GHR: variants seen among roughly 807,000 people sequenced by gnomAD.
GHR encodes growth hormone receptor.
GHR carries 35 observed loss-of-function variants against 67.1 expected under a neutral mutation model. The observed-to-expected ratio is 0.52, with a 90% CI of 0.40 to 0.69. The LOEUF (loss-of-function observed/expected upper bound fraction) is 0.69, where lower values mean the gene tolerates loss of function less well. GHR is among the 30% of genes least tolerant of loss of function. The pLI, the probability that GHR is intolerant of heterozygous loss-of-function variation, is 0.00. For synonymous variants in GHR, 272 were observed against 269.1 expected, an observed-to-expected ratio of 1.01 and a Z score of -0.10; for missense variants, 792 against 764.6, an observed-to-expected ratio of 1.04 and a Z score of -0.42.
chr5:42,719,108 A>T lies in GHR; in HGVS notation c.1601A>T (p.Tyr534Phe), dbSNP rs559502730. The T allele has an allele frequency of 6.2e-7, 1 of 1,613,472 alleles. No homozygotes were observed. The highest frequency in any genetic ancestry group is 1.3e-5 in the African/African-American group (1 of 74,910). Residue 534 changes from tyrosine (Y) to phenylalanine (F), a missense_variant, in exon 10 of 10, where the codon TAC (tyrosine) becomes TTC (phenylalanine). Coordinates refer to ENST00000230882, the MANE Select transcript of GHR (RefSeq NM_000163.5). The stretch of plus-strand genomic sequence containing the variant: ...GAAAACTTCCTTATGGACAATGCCT[A>T]CTTCTGTGAGGCAGATGCCAAAAAG... Reference protein sequence around the residue: ...CQENFLMDNAYFCEADAKKCI... With the variant: ...CQENFLMDNAFFCEADAKKCI...
intron 1 of GHR, chr5:42,465,588 T>C (rs1744689756): frequency 1.6e-6 from 2 of 1,228,566 alleles, no homozygotes; most frequent in Non-Finnish European, 1.2e-6. Context: ...TTATAAGATA[T>C]TTGTTTCTGA....
intron 6 of GHR, among the ~76,000 whole-genome samples, chr5:42,704,371 T>C (rs1270066031): frequency 1.3e-5 from 2 of 152,144 alleles, no homozygotes; most frequent in East Asian, 3.8e-4. Flanking sequence ...TATTTGTGTG[T>C]GATGAACCAT....
At chr5:42,441,447 A>C (rs74871917) in intron 1 of GHR, among the ~76,000 whole-genome samples, 2,814 of 152,262 alleles carry the variant, frequency 0.018, 152 homozygotes, top group East Asian at 0.11. Flanking sequence ...ATAACTCAAG[A>C]TATGTGGTCA....
rs966354353 is a variant in GHR, at chr5:42,615,243, AT to A, written c.71-13787del. 6.7e-4 allele frequency among the ~76,000 whole-genome samples: 102 copies of A among 151,884 alleles called. 2 individuals carry two copies. Among genetic ancestry groups the A allele is most frequent in the African/African-American group, 2.2e-3 (93 of 41,436 alleles). On this transcript the variant is annotated intron_variant, in intron 2 of 9. Transcript: ENST00000230882. The stretch of plus-strand genomic sequence containing the variant: ...AAAAACTGCTACAGAAAAAATAAGG[AT>A]TTTTTTTCTAGCTTTACCAGCGACC...
chr5:42,636,435 G>C (rs1221028820), intron 3 of GHR, among the ~76,000 whole-genome samples: 1 of 152,122 alleles, frequency 6.6e-6, no homozygotes, highest in Non-Finnish European at 1.5e-5. Context: ...GAAAGTTAAA[G>C]CATCCAACAG....
intron 3 of GHR, among the ~76,000 whole-genome samples, chr5:42,673,506 A>G (rs974623542): frequency 1.3e-5 from 2 of 152,222 alleles, no homozygotes; most frequent in Non-Finnish European, 2.9e-5. Context: ...GCAATAGCAA[A>G]GACATGGAAT....
chr5:42,513,265 A>G (rs1266145506), intron 1 of GHR, among the ~76,000 whole-genome samples: 1 of 152,142 alleles, frequency 6.6e-6, no homozygotes, highest in Non-Finnish European at 1.5e-5. Flanking sequence ...GTGCCCTCTC[A>G]CCTTCTTAAA....
chr5:42,547,277 T>G (rs1479999799), intron 1 of GHR, among the ~76,000 whole-genome samples: 1 of 152,216 alleles, frequency 6.6e-6, no homozygotes, highest in Non-Finnish European at 1.5e-5. Flanking sequence ...CAGCTAATTC[T>G]TGAAGCAGTC....
chr5:42,600,720 G>A (rs1399639650), intron 2 of GHR, among the ~76,000 whole-genome samples: 3 of 152,100 alleles, frequency 2.0e-5, no homozygotes, highest in Non-Finnish European at 4.4e-5. Flanking sequence ...CCAAGGCTGT[G>A]CCTAAACTCT....
intron 1 of GHR, among the ~76,000 whole-genome samples, chr5:42,506,282 T>G (rs1746774926): frequency 6.6e-6 from 1 of 152,182 alleles, no homozygotes; most frequent in Non-Finnish European, 1.5e-5. Flanking sequence ...CCTTTCTAAG[T>G]GAGATGGACC....
chr5:42,710,078 T>TAA (rs1465336304), intron 6 of GHR, among the ~76,000 whole-genome samples: 1 of 151,830 alleles, frequency 6.6e-6, no homozygotes, highest in Admixed American at 6.6e-5. Flanking sequence ...AATAATAAAG[T>TAA]AAGTTCAGTA....
chr5:42,629,076 C>A lies in GHR; in HGVS notation c.109C>A (p.Gln37Lys). ...CCTTAGCAGAGCACCCTGGAGTCTG[C>A]AAAGTGTTAATCCAGGCCTAAAGAC... ...AILSRAPWSL[Q>K]SVNPGLKTNS... Residue 37 changes from glutamine (Q) to lysine (K), a missense_variant, in exon 3 of 10, where the codon CAA (glutamine) becomes AAA (lysine). Coordinates refer to ENST00000230882, the MANE Select transcript of GHR (RefSeq NM_000163.5). The A allele has an allele frequency of 7.1e-7, 1 of 1,406,534 alleles. No homozygotes were observed. The highest frequency in any genetic ancestry group is 9.8e-7 in the Non-Finnish European group (1 of 1,021,676). 87.1% of individuals were successfully genotyped at this position (1,406,534 alleles called of 1,614,324 possible).
intron 2 of GHR, among the ~76,000 whole-genome samples, chr5:42,588,526 C>CAAAAAAAAAAAAAAAAAAAAAA (rs10716908): frequency 4.0e-4 from 18 of 45,120 alleles, no homozygotes; most frequent in South Asian, 1.1e-3. Context: ...AACTCCATCT[C>CAAAAAAAAAAAAAAAAAAAAAA]AAAAAAAAAA....
intron 3 of GHR, among the ~76,000 whole-genome samples, chr5:42,664,421 G>C (rs1755838264): frequency 6.6e-6 from 1 of 152,140 alleles, no homozygotes; most frequent in Non-Finnish European, 1.5e-5. Context: ...ACAGAACAGA[G>C]CCCTCAGAAA....
At chr5:42,665,182 C>T (rs1305999347) in intron 3 of GHR, among the ~76,000 whole-genome samples, 4 of 152,118 alleles carry the variant, frequency 2.6e-5, no homozygotes, top group African/African-American at 9.7e-5. Flanking sequence ...TTGTGGAAGT[C>T]AGTGTGGCGA....
At chr5:42,435,770 T>G (rs1191674284) in intron 1 of GHR, among the ~76,000 whole-genome samples, 4 of 152,238 alleles carry the variant, frequency 2.6e-5, no homozygotes, top group African/African-American at 9.6e-5. Flanking sequence ...TTTGATTTTA[T>G]GATTTTTAAA....
intron 1 of GHR, among the ~76,000 whole-genome samples, chr5:42,427,145 G>C (rs1467659758): frequency 6.6e-6 from 1 of 152,162 alleles, no homozygotes; most frequent in Non-Finnish European, 1.5e-5. Context: ...CCACTATAGG[G>C]TTCCACCCTC....
intron 1 of GHR, among the ~76,000 whole-genome samples, chr5:42,496,449 G>A (rs1307682372): frequency 2.0e-5 from 3 of 152,092 alleles, no homozygotes. Flanking sequence ...TATAGCATGT[G>A]CATCTATATC....
chr5:42,671,192 A>G (rs1018798046), intron 3 of GHR, among the ~76,000 whole-genome samples: 31 of 152,350 alleles, frequency 2.0e-4, no homozygotes, highest in African/African-American at 6.7e-4. Flanking sequence ...CTGTACAAGC[A>G]TGGTGCCAGC....
Sources: allele counts gnomAD v4.1 joint callset (sites outside exome capture counted in the v4.1 genomes callset), GRCh38; gene constraint gnomAD v4.1.1; transcripts MANE v1.5; gene names NCBI Gene and HGNC (gene_info 2026-07-23, HGNC 2026-07-21).